The following ATRX variants were observed in gnomAD, a reference collection of about 807,000 sequenced individuals.
ATRX encodes chromatin remodeler ATRX.
ATRX carries 12 observed loss-of-function variants against 172.6 expected under a neutral mutation model. The observed-to-expected ratio is 0.07, with a 90% CI of 0.04 to 0.11. ATRX has a LOEUF of 0.11. ATRX is among the 10% of genes least tolerant of loss of function. The pLI, the probability that ATRX is intolerant of heterozygous loss-of-function variation, is 1.00. For synonymous variants in ATRX, 674 were observed against 594.7 expected, an observed-to-expected ratio of 1.13 and a Z score of -1.94; for missense variants, 1,368 against 1,767.4, an observed-to-expected ratio of 0.77 and a Z score of 4.05.
intron 14 of ATRX, among the ~76,000 whole-genome samples, chrX:77,653,100 C>T (rs1382411562): frequency 2.7e-5 from 3 of 109,548 alleles, no homozygotes; most frequent in Admixed American, 9.7e-5. Context: ...ACATTGCTAA[C>T]GGGAACGTCA....
chrX:77,570,294 T>A (rs2065363971), intron 28 of ATRX, among the ~76,000 whole-genome samples: 1 of 108,921 alleles, frequency 9.2e-6, no homozygotes, highest in African/African-American at 3.3e-5. Context: ...TCCTCCCACA[T>A]CAGCCTCCAG....
intron 22 of ATRX, among the ~76,000 whole-genome samples, chrX:77,612,821 T>C (rs1557094822): frequency 9.0e-6 from 1 of 111,472 alleles, no homozygotes; most frequent in East Asian, 2.8e-4. Flanking sequence ...CTACTCTAGG[T>C]ACCTTTAAGC....
At chrX:77,629,788 T>C (rs2068027234) in intron 19 of ATRX, among the ~76,000 whole-genome samples, 1 of 111,596 alleles carries the variant, frequency 9.0e-6, no homozygotes, top group Admixed American at 9.5e-5. Context: ...TTCCCTGAGA[T>C]CAAAAACATG....
intron 2 of ATRX, 77 bp downstream of exon 2, chrX:77,717,054 T>C (rs1557165601): frequency 1.2e-6 from 1 of 851,564 alleles, no homozygotes; most frequent in African/African-American, 2.1e-5. Flanking sequence ...CTGAATAAAA[T>C]AAATGGTTAC....
intron 17 of ATRX, 72 bp downstream of exon 17, chrX:77,634,522 A>C: frequency 1.1e-6 from 1 of 924,823 alleles, no homozygotes. Context: ...ACTGTGCCTG[A>C]AACATAATAG....
intron 30 of ATRX, among the ~76,000 whole-genome samples, chrX:77,543,048 T>C (rs2147865742): frequency 9.0e-6 from 1 of 111,497 alleles, no homozygotes. Context: ...GGAGAAAATT[T>C]TTGCAATCTA....
chrX:77,661,667 T>C (rs1295139412), intron 12 of ATRX, among the ~76,000 whole-genome samples: 2 of 110,906 alleles, frequency 1.8e-5, no homozygotes, highest in African/African-American at 6.6e-5. Flanking sequence ...AAAAAATTCT[T>C]TGAACTTTTT....
At chrX:77,535,142 T>C (rs188710892) in intron 30 of ATRX, among the ~76,000 whole-genome samples, 72 of 112,258 alleles carry the variant, frequency 6.4e-4, no homozygotes, top group African/African-American at 2.2e-3. Context: ...CAAACTACGC[T>C]GGAAAAAATG....
chrX:77,648,689 G>C (rs1315777077), intron 15 of ATRX, among the ~76,000 whole-genome samples: 1 of 105,667 alleles, frequency 9.5e-6, no homozygotes, highest in African/African-American at 3.5e-5. Context: ...AGGAAAAAAT[G>C]ATAAAACACA....
intron 10 of ATRX, among the ~76,000 whole-genome samples, chrX:77,665,026 A>G (rs1157183669): frequency 8.9e-6 from 1 of 112,289 alleles, no homozygotes; most frequent in Non-Finnish European, 1.9e-5. Flanking sequence ...ACTCTGAAGG[A>G]CATATTCTAT....
chrX:77,599,026 T>G (rs1557085440), intron 25 of ATRX, among the ~76,000 whole-genome samples: 1 of 112,081 alleles, frequency 8.9e-6, no homozygotes, highest in Non-Finnish European at 1.9e-5. Context: ...GAAAATATCA[T>G]GGTGGCTTTG....
intron 30 of ATRX, 109 bp from the exon 31 acceptor site, chrX:77,523,510 A>C: frequency 1.2e-6 from 1 of 800,848 alleles, no homozygotes; most frequent in Non-Finnish European, 1.8e-6. Context: ...TGATTGCTAT[A>C]TATATTTCTG....
At chrX:77,543,864 G>A (rs1371272800) in intron 30 of ATRX, among the ~76,000 whole-genome samples, 2 of 109,776 alleles carry the variant, frequency 1.8e-5, no homozygotes, top group African/African-American at 3.3e-5. Flanking sequence ...TGTAGGTGAC[G>A]GGTTGATGGG....
chrX:77,737,609 GGATT>G (rs1232220940), intron 1 of ATRX, among the ~76,000 whole-genome samples: 1 of 110,371 alleles, frequency 9.1e-6, no homozygotes, highest in Non-Finnish European at 1.9e-5. Context: ...GAATAAAATT[GGATT>G]GTTTTTCAAC....
intron 25 of ATRX, chrX:77,596,628 G>C (rs1009942690): frequency 9.0e-6 from 1 of 111,067 alleles, no homozygotes; most frequent in Non-Finnish European, 1.9e-5. Flanking sequence ...CCTTCCCTGT[G>C]TGTTTTTGGG....
At chrX:77,741,010 C>G (rs1032231208) in intron 1 of ATRX, among the ~76,000 whole-genome samples, 1 of 102,547 alleles carries the variant, frequency 9.8e-6, no homozygotes, top group Non-Finnish European at 2.0e-5. Context: ...CAAGACCAGC[C>G]TGAGCAACAT....
intron 30 of ATRX, among the ~76,000 whole-genome samples, chrX:77,549,893 G>A (rs1285925955): frequency 8.9e-6 from 1 of 112,065 alleles, no homozygotes; most frequent in African/African-American, 3.2e-5. Context: ...GCCAAGGCAG[G>A]AGGATCACAT....
intron 34 of ATRX, among the ~76,000 whole-genome samples, chrX:77,519,820 A>G (rs1407916230): frequency 1.8e-5 from 2 of 111,518 alleles, no homozygotes; most frequent in African/African-American, 3.3e-5. Flanking sequence ...TACCCAAAAG[A>G]AAGGAAATCA....
chrX:77,542,624 A>C (rs1035421619), intron 30 of ATRX, among the ~76,000 whole-genome samples: 25 of 111,833 alleles, frequency 2.2e-4, no homozygotes, highest in African/African-American at 7.8e-4. Flanking sequence ...ACAGATATAT[A>C]GACCAATGGA....
Sources: gnomAD v4.1 joint callset for allele counts (sites outside exome capture counted in the v4.1 genomes callset) on GRCh38, gnomAD v4.1.1 for gene constraint, MANE v1.5 for transcripts, NCBI Gene and HGNC (gene_info 2026-07-23, HGNC 2026-07-21) for gene names.